The following CDH10 variants were observed in gnomAD, a reference collection of about 807,000 sequenced individuals.
CDH10 encodes cadherin-10.
CDH10 carries 30 observed loss-of-function variants against 73.1 expected under a neutral mutation model. The observed-to-expected ratio is 0.41, with a 90% CI of 0.31 to 0.56. The LOEUF (loss-of-function observed/expected upper bound fraction) is 0.56, where lower values mean the gene tolerates loss of function less well. CDH10 is among the 20% of genes least tolerant of loss of function. The pLI, the probability that CDH10 is intolerant of heterozygous loss-of-function variation, is 0.27. For missense variants in CDH10, 815 were observed against 973.7 expected (o/e 0.84, Z 2.17); for synonymous variants, 345 against 348.2 (o/e 0.99, Z 0.10).
At chr5:24,494,346 C>T (rs1398516473) in intron 9 of CDH10, among the ~76,000 whole-genome samples, 2 of 151,742 alleles carry the variant, frequency 1.3e-5, no homozygotes, top group South Asian at 2.1e-4. Context: ...TCTTGTCTGT[C>T]AAATGTACTC....
At chr5:24,503,972 T>C (rs1162792796) in intron 8 of CDH10, among the ~76,000 whole-genome samples, 2 of 152,126 alleles carry the variant, frequency 1.3e-5, no homozygotes. Context: ...TCCTAATTAT[T>C]AGTGTGCAAG....
intron 1 of CDH10, among the ~76,000 whole-genome samples, chr5:24,608,387 G>C (rs1746832563): frequency 6.6e-6 from 1 of 151,972 alleles, no homozygotes; most frequent in Admixed American, 6.6e-5. Context: ...CTGGCTCCTG[G>C]GTTCAAGCGA....
intron 5 of CDH10, among the ~76,000 whole-genome samples, chr5:24,534,440 A>G (rs916235254): frequency 4.6e-5 from 7 of 152,114 alleles, no homozygotes; most frequent in South Asian, 4.1e-4. Context: ...GTAATCTACC[A>G]AATTTGTACA....
chr5:24,531,964 A>G (rs1458768791), intron 5 of CDH10, among the ~76,000 whole-genome samples: 2 of 152,112 alleles, frequency 1.3e-5, no homozygotes, highest in Non-Finnish European at 2.9e-5. Context: ...GCTTCCACCC[A>G]TTAGATTCCA....
In CDH10 at chr5:24,511,503, G is replaced by C. The variant is rs2111767499; in HGVS notation, c.826C>G (p.Leu276Val). 2 of 1,510,174 alleles carry C rather than the reference G, an allele frequency of 1.3e-6. No individual in the cohort carries two copies. The highest frequency in any genetic ancestry group is 1.8e-6 in the Non-Finnish European group (2 of 1,098,804). The allele number at this position is 1,510,174 out of a possible 1,614,324, so 93.5% of individuals were successfully genotyped here. ...ACTGGGGAGGATTCAAGAACTCGAA[G>C]ATGAATAGTGTCTGTAAAGTATAAA... is the stretch of plus-strand genomic sequence containing the variant. ...PPRFPQNTIH[L>V]RVLESSPVGT... is the part of the protein sequence containing the mutation. The change falls in exon 6 of 12, where the codon CTT becomes GTT. Residue 276 changes from leucine to valine, a missense_variant. Physicochemically the swap from Leu to Val is conservative, Grantham distance 32. This residue lies in a region of CDH10 where 516 missense variants were observed against 636.6 expected (regional missense o/e 0.81). Coordinates refer to ENST00000264463, the MANE Select transcript of CDH10 (RefSeq NM_006727.5).
chr5:24,556,852 T>C (rs1561161049), intron 2 of CDH10, among the ~76,000 whole-genome samples: 3 of 151,916 alleles, frequency 2.0e-5, no homozygotes, highest in Non-Finnish European at 4.4e-5. Flanking sequence ...TTCATAATTC[T>C]GTGATATTAT....
chr5:24,614,509 T>C (rs955836784), intron 1 of CDH10, among the ~76,000 whole-genome samples: 1 of 152,200 alleles, frequency 6.6e-6, no homozygotes, highest in Non-Finnish European at 1.5e-5. Flanking sequence ...ATAAATTAAG[T>C]ATTTGAGGAA....
chr5:24,535,640 CTTT>C, intron 4 of CDH10, 60 bp downstream of exon 4: 1 of 1,469,704 alleles, frequency 6.8e-7, no homozygotes. Flanking sequence ...CTCCCATGGT[CTTT>C]CTACTGATAA....
intron 1 of CDH10, among the ~76,000 whole-genome samples, chr5:24,629,191 A>G (rs180966942): frequency 3.9e-5 from 6 of 152,312 alleles, no homozygotes; most frequent in Admixed American, 1.3e-4. Context: ...ACTTTAAGGA[A>G]TAAATACTTG....
At chr5:24,600,265 C>A (rs1275725620) in intron 1 of CDH10, among the ~76,000 whole-genome samples, 4 of 152,136 alleles carry the variant, frequency 2.6e-5, no homozygotes, top group Admixed American at 2.0e-4. Context: ...ACAGTGAACA[C>A]CTCAGTGAAC....
chr5:24,584,097 T>C (rs934797774), intron 2 of CDH10, among the ~76,000 whole-genome samples: 1 of 152,080 alleles, frequency 6.6e-6, no homozygotes, highest in Non-Finnish European at 1.5e-5. Flanking sequence ...TAATTATAAA[T>C]GAAAGATAAT....
intron 5 of CDH10, among the ~76,000 whole-genome samples, chr5:24,530,912 G>A (rs988913672): frequency 6.6e-6 from 1 of 151,846 alleles, no homozygotes; most frequent in South Asian, 2.1e-4. Context: ...CTTAGATCAG[G>A]CACACAGTTA....
At chr5:24,628,204 G>C (rs941152681) in intron 1 of CDH10, among the ~76,000 whole-genome samples, 1 of 152,212 alleles carries the variant, frequency 6.6e-6, no homozygotes, top group African/African-American at 2.4e-5. Flanking sequence ...AGACTCATCA[G>C]TGTGAACATC....
At chr5:24,532,381 C>T (rs2873986) in intron 5 of CDH10, among the ~76,000 whole-genome samples, 54,272 of 151,660 alleles carry the variant, frequency 0.36, 11,823 homozygotes, top group East Asian at 0.58. Context: ...TAGATTACTC[C>T]GCAAAGAAGA....
rs760893659 is a variant in CDH10 at position 24,537,383 on chromosome 5, C to A, written c.523G>T (p.Val175Leu). 1.2e-5 allele frequency: 20 copies of A among 1,606,266 alleles called. No individual in the cohort carries two copies. Among genetic ancestry groups the A allele is most frequent in the Middle Eastern group, 1.7e-4 (1 of 6,024 alleles). The change falls in exon 3 of 12, where the codon GTA becomes TTA. Residue 175 changes from valine (V) to leucine (L), a missense_variant. This residue lies in a region of CDH10 where 516 missense variants were observed against 636.6 expected (regional missense o/e 0.81). Coordinates refer to ENST00000264463, the MANE Select transcript of CDH10 (RefSeq NM_006727.5). ...TAAACGCTGTAAATGAACTTACCTA[C>A]AACAGACATTTCGGGAACACTAGCT... ...YTASVPEMSV[V>L]GTSVVQVTAT...
In CDH10 at chr5:24,569,511, A is replaced by G. The variant is rs368292592; in HGVS notation, c.231+23749T>C. Among the ~76,000 whole-genome samples, 34 of 152,322 alleles carry G rather than the reference A, an allele frequency of 2.2e-4. 2 individuals are homozygous for G. The highest frequency in any genetic ancestry group is 4.6e-4 in the African/African-American group (19 of 41,564). On this transcript the variant is annotated intron_variant, in intron 2 of 11. Transcript: ENST00000264463. ...TAAAATAAATGCTACATATGTATGCATGTGAAAAACTCATTGAAATATTTT... is the reference window on the plus strand; with the variant it reads ...TAAAATAAATGCTACATATGTATGCGTGTGAAAAACTCATTGAAATATTTT...
At chr5:24,504,171 A>G (rs1235167715) in intron 8 of CDH10, among the ~76,000 whole-genome samples, 2 of 152,124 alleles carry the variant, frequency 1.3e-5, no homozygotes, top group Non-Finnish European at 2.9e-5. Context: ...CAGCAGATGT[A>G]AGAAGGGTGC....
At chr5:24,538,851 A>G (rs1744053998) in intron 2 of CDH10, among the ~76,000 whole-genome samples, 1 of 152,100 alleles carries the variant, frequency 6.6e-6, no homozygotes, top group African/African-American at 2.4e-5. Flanking sequence ...GCGTGGCCAC[A>G]GGAAGAACAG....
intron 2 of CDH10, among the ~76,000 whole-genome samples, chr5:24,575,051 T>G (rs1016282892): frequency 6.6e-6 from 1 of 152,050 alleles, no homozygotes; most frequent in Non-Finnish European, 1.5e-5. Flanking sequence ...GAGGTTAATT[T>G]CACATTCAAA....
Sources: allele counts gnomAD v4.1 joint callset (sites outside exome capture counted in the v4.1 genomes callset), GRCh38; gene constraint gnomAD v4.1.1; regional missense constraint gnomAD v4.1.1; transcripts MANE v1.5; gene names NCBI Gene and HGNC (gene_info 2026-07-23, HGNC 2026-07-21).